The following ADCY2 variants were observed in gnomAD, a reference collection of about 807,000 sequenced individuals.
ADCY2 encodes the protein adenylate cyclase 2, also known as adenylate cyclase type 2.
In ADCY2, 31 loss-of-function variants were observed where a neutral mutation model predicts 125.2. The ratio of observed to expected loss-of-function variants is 0.25; its 90% CI spans 0.19 to 0.33. The LOEUF (loss-of-function observed/expected upper bound fraction) is 0.33. Ranked by LOEUF, ADCY2 falls within the 10% of genes least tolerant of loss-of-function variation. The probability of loss-of-function intolerance (pLI) is 1.00; values close to 1 mark genes in which losing one functional copy is unlikely to be tolerated. For synonymous variants in ADCY2, 512 were observed against 548.4 expected, an observed-to-expected ratio of 0.93 and a Z score of 0.93; for missense variants, 904 against 1,418.2, an observed-to-expected ratio of 0.64 and a Z score of 5.82.
At chr5:7,683,148 C>T (rs890968) in intron 4 of ADCY2, among the ~76,000 whole-genome samples, 1 of 152,186 alleles carries the variant, frequency 6.6e-6, no homozygotes, top group East Asian at 1.9e-4. Flanking sequence ...AGACTCCTCA[C>T]AGGTGGAATG....
chr5:7,763,718 C>T (rs1381284415), intron 16 of ADCY2, among the ~76,000 whole-genome samples: 1 of 152,164 alleles, frequency 6.6e-6, no homozygotes, highest in Non-Finnish European at 1.5e-5. Context: ...ATCGTGCCCT[C>T]GGGTGTTCCT....
At chr5:7,728,654 C>A (rs12716194) in intron 14 of ADCY2, among the ~76,000 whole-genome samples, 140,100 of 152,242 alleles carry the variant, frequency 0.92, 65,378 homozygotes, top group East Asian at 1. Context: ...AGCAGAAAAG[C>A]ATTTTGAAAG....
intron 2 of ADCY2, among the ~76,000 whole-genome samples, chr5:7,515,945 AT>A (rs953825511): frequency 5.9e-5 from 9 of 152,172 alleles, no homozygotes; most frequent in South Asian, 2.1e-4. Context: ...AGGGTTTTCC[AT>A]TTTGTGCAGG....
intron 4 of ADCY2, chr5:7,654,147 C>G: frequency 2.2e-6 from 1 of 455,832 alleles, no homozygotes; most frequent in Non-Finnish European, 4.4e-6. Context: ...AAAGAGAAGT[C>G]AGGAAAGGGC....
intron 2 of ADCY2, among the ~76,000 whole-genome samples, chr5:7,453,157 G>T (rs1418431633): frequency 6.6e-6 from 1 of 152,116 alleles, no homozygotes; most frequent in South Asian, 2.1e-4. Flanking sequence ...TGGGGTCTTT[G>T]TCATGAATTC....
chr5:7,543,061 T>G (rs992528608), intron 3 of ADCY2, among the ~76,000 whole-genome samples: 85 of 152,352 alleles, frequency 5.6e-4, no homozygotes, highest in African/African-American at 1.9e-3. Context: ...ATCCTGTAAC[T>G]TGAATATTGT....
intron 14 of ADCY2, among the ~76,000 whole-genome samples, chr5:7,729,717 T>A (rs1394108586): frequency 1.3e-5 from 2 of 150,142 alleles, no homozygotes; most frequent in Non-Finnish European, 3.0e-5. Flanking sequence ...TTAGGAAGTA[T>A]ATATATTTTT....
At chr5:7,398,435 G>T (rs370115105) in intron 1 of ADCY2, among the ~76,000 whole-genome samples, 1 of 152,338 alleles carries the variant, frequency 6.6e-6, no homozygotes, top group African/African-American at 2.4e-5. Flanking sequence ...TGGTGCATAT[G>T]TGTTAGTGGT....
chr5:7,711,257 A>T (rs1426414048), intron 10 of ADCY2, among the ~76,000 whole-genome samples: 1 of 152,212 alleles, frequency 6.6e-6, no homozygotes. Context: ...TCCAGCATTT[A>T]GATCTGTTAG....
At chr5:7,772,823 A>T (rs987741462) in intron 17 of ADCY2, 109 bp from the exon 18 acceptor site, 8 of 984,950 alleles carry the variant, frequency 8.1e-6, no homozygotes, top group Non-Finnish European at 1.2e-5. Context: ...TTTCACAGCC[A>T]CCTTATATGT....
intron 1 of ADCY2, among the ~76,000 whole-genome samples, chr5:7,401,360 C>T (rs576565693): frequency 3.3e-5 from 5 of 152,170 alleles, no homozygotes; most frequent in South Asian, 2.1e-4. Flanking sequence ...GCAACTGCTA[C>T]GCTGTCACAG....
intron 2 of ADCY2, among the ~76,000 whole-genome samples, chr5:7,440,543 A>G (rs1480375257): frequency 6.6e-6 from 1 of 152,154 alleles, no homozygotes; most frequent in East Asian, 1.9e-4. Flanking sequence ...TGCACGCACA[A>G]GCTACATGGA....
At chr5:7,480,123 G>T (rs560592075) in intron 2 of ADCY2, among the ~76,000 whole-genome samples, 1 of 152,236 alleles carries the variant, frequency 6.6e-6, no homozygotes, top group East Asian at 1.9e-4. Flanking sequence ...ACAGATGCTG[G>T]CAAGTTTACA....
At chr5:7,521,719 C>A (rs73046357) in intron 3 of ADCY2, among the ~76,000 whole-genome samples, 1,792 of 152,284 alleles carry the variant, frequency 0.012, 23 homozygotes, top group Non-Finnish European at 0.019. Context: ...TTTTCTTTCA[C>A]GTGATGTGCT....
intron 2 of ADCY2, among the ~76,000 whole-genome samples, chr5:7,470,651 TG>T: frequency 6.6e-6 from 1 of 150,846 alleles, no homozygotes; most frequent in Non-Finnish European, 1.5e-5. Flanking sequence ...TGTGTGTGTG[TG>T]TGTGTTTACA....
rs142506629 is a variant in ADCY2 at position 7,710,087 on chromosome 5, G to A, written c.1578+700G>A. Among the ~76,000 whole-genome samples, 78 of 152,270 alleles carry A rather than the reference G, an allele frequency of 5.1e-4. 1 individual carries two copies. In the East Asian group the frequency reaches 0.014, roughly 27 times the overall value. On this transcript the variant is annotated intron_variant, in intron 10 of 24. Coordinates refer to ENST00000338316, the MANE Select transcript of ADCY2 (RefSeq NM_020546.3). ...GCAGTTACAGCTTTTTAAAAATACA[G>A]TATTACATAATTCTTATTGTCTGAT...
At chr5:7,480,497 A>G (rs1419457825) in intron 2 of ADCY2, among the ~76,000 whole-genome samples, 1 of 152,218 alleles carries the variant, frequency 6.6e-6, no homozygotes, top group Non-Finnish European at 1.5e-5. Flanking sequence ...AGACTAATAC[A>G]TGAACAGAAA....
At chr5:7,480,946 G>A (rs1742706588) in intron 2 of ADCY2, among the ~76,000 whole-genome samples, 1 of 152,110 alleles carries the variant, frequency 6.6e-6, no homozygotes. Context: ...AATAAACATG[G>A]GAATGCAGAT....
At chr5:7,603,287 G>A (rs1276468166) in intron 3 of ADCY2, among the ~76,000 whole-genome samples, 2 of 152,120 alleles carry the variant, frequency 1.3e-5, no homozygotes, top group Non-Finnish European at 2.9e-5. Flanking sequence ...GAAGGGGTGG[G>A]AAAGGTCTTG....
Sources: gnomAD v4.1 joint callset for allele counts (sites outside exome capture counted in the v4.1 genomes callset) on GRCh38, gnomAD v4.1.1 for gene constraint, MANE v1.5 for transcripts, NCBI Gene and HGNC (gene_info 2026-07-23, HGNC 2026-07-21) for gene names.